The following MFN1 variants were observed in gnomAD, a reference collection of about 807,000 sequenced individuals.
MFN1 encodes mitofusin-1.
Under a neutral mutation model 92.4 loss-of-function variants are expected in MFN1, and 65 were observed. That is an observed-to-expected ratio of 0.70 (90% confidence interval 0.58 to 0.86). MFN1 has a LOEUF of 0.86. Ranked by LOEUF, MFN1 falls within the 40% of genes least tolerant of loss-of-function variation. The pLI, the probability that MFN1 is intolerant of heterozygous loss-of-function variation, is 0.00. For synonymous variants in MFN1, 297 were observed against 300.9 expected (o/e 0.99, Z 0.13); for missense variants, 781 against 868.0 (o/e 0.90, Z 1.26).
At chr3:179,349,968 A>G (rs978406604) in intron 2 of MFN1, among the ~76,000 whole-genome samples, 7 of 151,934 alleles carry the variant, frequency 4.6e-5, no homozygotes, top group Admixed American at 2.0e-4. Context: ...CCTGATCAAC[A>G]TGGTGAAACC....
Position 179,375,284 on chromosome 3 carries a change from T to G in MFN1, c.1040T>G (p.Ile347Arg). 6.2e-7 allele frequency: 1 copy of G among 1,613,948 alleles called. No individual in the cohort carries two copies. Among genetic ancestry groups the G allele is most frequent in the African/African-American group, 1.3e-5 (1 of 75,044 alleles). ...CAGCACACTATCAGAGCTAAACAGA[T>G]ACTAGCTACTGTGAAAAACATAATG... The part of the protein sequence containing the change: ...FEQHTIRAKQ[I>R]LATVKNIMDS... Residue 347 changes from isoleucine to arginine, a missense_variant, in exon 10 of 18, where the codon ATA becomes AGA. By Grantham distance (97) the Ile-to-Arg change is moderately conservative (BLOSUM62 -3). Coordinates refer to ENST00000471841, the MANE Select transcript of MFN1 (RefSeq NM_033540.3).
chr3:179,358,758 A>G (rs1242350062), intron 3 of MFN1, 82 bp from the exon 4 acceptor site: 1 of 1,429,606 alleles, frequency 7.0e-7, no homozygotes, highest in Admixed American at 2.3e-5. Context: ...TTGGATTTTA[A>G]AAAAGTTGAT....
At chr3:179,380,998 CAAA>C (rs1713444297) in intron 14 of MFN1, among the ~76,000 whole-genome samples, 1 of 152,160 alleles carries the variant, frequency 6.6e-6, no homozygotes, top group South Asian at 2.1e-4. Context: ...AAGGATATAT[CAAA>C]GAAGTGTTTG....
In MFN1 at chr3:179,382,873, T is replaced by C. The variant is rs553067939; in HGVS notation, c.1663-2696T>C. Among the ~76,000 whole-genome samples, 357 of 152,364 alleles carry C rather than the reference T, an allele frequency of 2.3e-3. 2 individuals are homozygous for C. The highest frequency in any genetic ancestry group is 8.0e-3 in the African/African-American group (332 of 41,576). ...CTATTGGCTGCATAAATGTCTTCTT[T>C]TGAGAAGTGTCTGTTCATATCCTTC... On this transcript the variant is annotated intron_variant, in intron 14 of 17. Coordinates refer to ENST00000471841, the MANE Select transcript of MFN1 (RefSeq NM_033540.3).
At position 179,386,459 on chromosome 3, in the gene MFN1, C is replaced by T. The variant is rs1484239316; in HGVS notation, c.1842C>T (p.Leu614=). 1.9e-6 allele frequency: 3 copies of T among 1,612,872 alleles called. No individual in the cohort carries two copies. The highest frequency in any genetic ancestry group is 1.7e-5 in the Admixed American group (1 of 59,604). ...GVIWKTIGWK[L]LSVSLTMYGA... ...TTTGGAAAACTATAGGCTGGAAACT[C>T]CTATCTGTTTCATTAACTATGTATG... Residue 614 remains leucine (L), a synonymous_variant, in exon 16 of 18, where the codon CTC becomes CTT. Coordinates refer to ENST00000471841, the MANE Select transcript of MFN1 (RefSeq NM_033540.3).
At chr3:179,371,565 A>T (rs2108541806) in intron 9 of MFN1, among the ~76,000 whole-genome samples, 1 of 152,276 alleles carries the variant, frequency 6.6e-6, no homozygotes, top group Admixed American at 6.5e-5. Flanking sequence ...ACATTTTCTT[A>T]TTGTTTTAAA....
At chr3:179,350,273 T>A (rs1215935860) in intron 2 of MFN1, among the ~76,000 whole-genome samples, 1 of 152,062 alleles carries the variant, frequency 6.6e-6, no homozygotes. Context: ...TTTTTTCATG[T>A]CTCTCCCAAC....
chr3:179,373,519 A>G (rs1333705714), intron 9 of MFN1, among the ~76,000 whole-genome samples: 3 of 152,174 alleles, frequency 2.0e-5, no homozygotes, highest in Non-Finnish European at 2.9e-5. Context: ...GAGAATTAAT[A>G]TATCCCTAAT....
At chr3:179,348,678 C>A in intron 1 of MFN1, 167 bp from the exon 2 acceptor site, 1 of 957,850 alleles carries the variant, frequency 1.0e-6, no homozygotes, top group Non-Finnish European at 1.4e-6. Flanking sequence ...ATTCAAAAGT[C>A]GTCTCTAACT....
In MFN1 at chr3:179,352,013, A is replaced by G. The variant is rs774185634; in HGVS notation, c.226A>G (p.Met76Val). ...IIGEVLSRRHMKVAFFGRTSS... is the reference protein window; with the variant it reads ...IIGEVLSRRHVKVAFFGRTSS... ...TGGTGAGGTGCTATCTCGGAGACAC[A>G]TGAAGGTGGCATTTTTTGGCAGGTA... is the stretch of plus-strand genomic sequence containing the variant. Residue 76 changes from methionine to valine, a missense_variant, in exon 3 of 18, where the codon ATG (methionine) becomes GTG (valine). Physicochemically the swap from Met to Val is conservative, Grantham distance 21. Coordinates refer to ENST00000471841, the MANE Select transcript of MFN1 (RefSeq NM_033540.3). 18 of 1,595,578 alleles carry G rather than the reference A, an allele frequency of 1.1e-5. No individual in the cohort carries two copies. Among genetic ancestry groups the G allele is most frequent in the Admixed American group, 1.0e-4 (6 of 59,414 alleles).
chr3:179,355,331 C>A (rs142124964), intron 3 of MFN1, among the ~76,000 whole-genome samples: 31 of 152,194 alleles, frequency 2.0e-4, no homozygotes, highest in African/African-American at 5.3e-4. Flanking sequence ...CTTAAAATGC[C>A]TCATCTCCTG....
chr3:179,352,753 A>ATT (rs35323423), intron 3 of MFN1, among the ~76,000 whole-genome samples: 5 of 150,348 alleles, frequency 3.3e-5, no homozygotes, highest in African/African-American at 9.8e-5. Flanking sequence ...TAAACTCAGC[A>ATT]TTTTTTTTTT....
intron 3 of MFN1, among the ~76,000 whole-genome samples, chr3:179,353,459 C>T (rs538220317): frequency 1.4e-4 from 21 of 151,760 alleles, no homozygotes; most frequent in Admixed American, 2.6e-4. Context: ...CCACTCACCT[C>T]GGCCTCCCAA....
In MFN1 at chr3:179,378,090, G is replaced by GA. The variant is rs1713315159; in HGVS notation, c.1330-250dup. 1.2e-5 allele frequency: 5 copies of GA among 403,740 alleles called. No homozygotes were observed. The South Asian group carries it at 1.8e-4, about 15-fold the overall frequency. The allele number at this position is 403,740 out of a possible 1,614,324, so 25.0% of individuals were successfully genotyped here. On this transcript the variant is annotated intron_variant, in intron 12 of 17. Transcript: ENST00000471841. ...AAAATAAAAAATAGCCAAGCATGGC[G>GA]ACACGCTTCTATAGTCCCAGTTACT...
chr3:179,392,081 C>A lies in MFN1; in HGVS notation c.*22C>A. 3 of 1,506,178 alleles carry A rather than the reference C, an allele frequency of 2.0e-6. No individual in the cohort carries two copies. The highest frequency in any genetic ancestry group is 2.7e-6 in the Non-Finnish European group (3 of 1,091,302). 93.3% of individuals were successfully genotyped at this position (1,506,178 alleles called of 1,614,324 possible). ...CTAACAATAGAGATTGCTTTGGTGA[C>A]CATGATAGGAGGAAACGAAACTTGT... On this transcript the variant is annotated 3_prime_UTR_variant, in exon 18 of 18. Coordinates refer to ENST00000471841, the MANE Select transcript of MFN1 (RefSeq NM_033540.3).
chr3:179,353,402 T>C (rs1407531407), intron 3 of MFN1, among the ~76,000 whole-genome samples: 2 of 151,732 alleles, frequency 1.3e-5, no homozygotes, highest in Non-Finnish European at 2.9e-5. Context: ...GAGATAGGGT[T>C]TCACCATGTT....
chr3:179,351,661 T>C (rs193123665), intron 2 of MFN1, among the ~76,000 whole-genome samples: 163 of 152,324 alleles, frequency 1.1e-3, no homozygotes, highest in Non-Finnish European at 1.7e-3. Context: ...AGCTTGTATG[T>C]TTGAGACCTA....
intron 16 of MFN1, among the ~76,000 whole-genome samples, chr3:179,388,419 G>A (rs1713780586): frequency 6.6e-6 from 1 of 152,062 alleles, no homozygotes; most frequent in Non-Finnish European, 1.5e-5. Flanking sequence ...ATATACCTAA[G>A]TCCACCCGGT....
chr3:179,364,459 G>A, intron 6 of MFN1, 54 bp downstream of exon 6: 1 of 1,348,144 alleles, frequency 7.4e-7, no homozygotes, highest in Non-Finnish European at 1.1e-6. Flanking sequence ...AATGGTATCT[G>A]TTTTAATTCT....
Sources: allele counts gnomAD v4.1 joint callset (sites outside exome capture counted in the v4.1 genomes callset), GRCh38; gene constraint gnomAD v4.1.1; transcripts MANE v1.5; gene names NCBI Gene and HGNC (gene_info 2026-07-23, HGNC 2026-07-21).